Variants in SPAG1 observed in about 807,000 individuals in gnomAD.
SPAG1 encodes the protein sperm-associated antigen 1.
In SPAG1, 69 loss-of-function variants were observed where a neutral mutation model predicts 100.5. That is an observed-to-expected ratio of 0.69 (90% confidence interval 0.57 to 0.84). The LOEUF (loss-of-function observed/expected upper bound fraction) is 0.84, where lower values mean the gene tolerates loss of function less well. Ranked by LOEUF, SPAG1 falls within the 40% of genes least tolerant of loss-of-function variation. The pLI is 0.00. For missense variants in SPAG1, 955 were observed against 1,133.1 expected (o/e 0.84, Z 2.26); for synonymous variants, 336 against 411.6 (o/e 0.82, Z 2.22).
At chr8:100,174,548 C>T (rs2453654) in intron 3 of SPAG1, among the ~76,000 whole-genome samples, 59,862 of 151,974 alleles carry the variant, frequency 0.39, 12,084 homozygotes, top group East Asian at 0.61. Context: ...TTTCATTTCC[C>T]TAAAAATGTT....
At chr8:100,167,914 T>G (rs1815637852) in intron 3 of SPAG1, among the ~76,000 whole-genome samples, 1 of 152,264 alleles carries the variant, frequency 6.6e-6, no homozygotes, top group South Asian at 2.1e-4. Flanking sequence ...TCATACAGTA[T>G]GTTGTCATTC....
intron 13 of SPAG1, 48 bp from the exon 14 acceptor site, chr8:100,225,125 T>C (rs758088874): frequency 3.3e-6 from 5 of 1,520,304 alleles, no homozygotes; most frequent in East Asian, 2.3e-5. Context: ...TTCAGTAATA[T>C]AAAAAGCAAA....
intron 10 of SPAG1, among the ~76,000 whole-genome samples, chr8:100,212,867 C>T (rs766127024): frequency 2.7e-5 from 4 of 146,576 alleles, no homozygotes; most frequent in African/African-American, 1.0e-4. Context: ...GGCCGAAACC[C>T]GGGAGCCGAG....
chr8:100,211,220 T>C (rs1273885440), intron 10 of SPAG1, among the ~76,000 whole-genome samples: 1 of 152,184 alleles, frequency 6.6e-6, no homozygotes, highest in African/African-American at 2.4e-5. Context: ...AACAGCTCCA[T>C]TGCATTGTCC....
At chr8:100,223,605 A>T (rs539768473) in intron 13 of SPAG1, among the ~76,000 whole-genome samples, 80 of 149,484 alleles carry the variant, frequency 5.4e-4, no homozygotes, top group Non-Finnish European at 8.1e-4. Context: ...AAATTTAAAC[A>T]TCTGTATTTA....
At chr8:100,204,656 G>A (rs1201318232) in intron 10 of SPAG1, among the ~76,000 whole-genome samples, 5 of 152,214 alleles carry the variant, frequency 3.3e-5, no homozygotes, top group Non-Finnish European at 7.3e-5. Flanking sequence ...GGGAGATTGG[G>A]ATGGTGAACT....
In SPAG1 at chr8:100,239,879, A is replaced by G. The variant is rs943770165; in HGVS notation, c.2280+475A>G. Among the ~76,000 whole-genome samples the G allele has an allele frequency of 2.0e-5, 3 of 152,216 alleles. No homozygotes were observed. The highest frequency in any genetic ancestry group is 1.3e-4 in the Admixed American group (2 of 15,282). ...CAGGATCAAACTGCTTTTGTGATTC[A>G]GATAACTAAAATGTTTTTCTCTGCC... On this transcript the variant is annotated intron_variant, in intron 17 of 18. Transcript: ENST00000388798. The surrounding 1 kb of genome is among the most constrained non-coding windows in gnomAD (Gnocchi z 5.0).
At chr8:100,236,777 T>C (rs909628893) in intron 16 of SPAG1, among the ~76,000 whole-genome samples, 3 of 152,150 alleles carry the variant, frequency 2.0e-5, no homozygotes, top group African/African-American at 7.2e-5. Context: ...GTTAGGAGTA[T>C]AGAGGTGAAT....
chr8:100,210,119 T>A (rs1817660888), intron 10 of SPAG1, among the ~76,000 whole-genome samples: 1 of 152,130 alleles, frequency 6.6e-6, no homozygotes, highest in Non-Finnish European at 1.5e-5. Context: ...TTGAATATGA[T>A]GTTGGCTCTG....
In SPAG1 at chr8:100,238,809, T is replaced by C. The variant is rs566734161; in HGVS notation, c.2116-431T>C. 3.9e-5 allele frequency among the ~76,000 whole-genome samples: 6 copies of C among 152,348 alleles called. No individual in the cohort carries two copies. In the South Asian group the frequency reaches 8.3e-4, roughly 21 times the overall value. On this transcript the variant is annotated intron_variant, in intron 16 of 18. Transcript: ENST00000388798. ...TTTCTTGGTACAGCCTTGTGAAAAT[T>C]TGAATAGAGCTTTTGTTCCCCTTAT... is the stretch of plus-strand genomic sequence containing the variant.
intron 16 of SPAG1, among the ~76,000 whole-genome samples, chr8:100,236,329 G>A (rs1358352263): frequency 6.6e-6 from 1 of 152,174 alleles, no homozygotes; most frequent in Admixed American, 6.5e-5. Context: ...GTTTAAGAGA[G>A]ACAGGGTCTC....
intron 3 of SPAG1, among the ~76,000 whole-genome samples, chr8:100,176,293 GTTGTCATATAAT>G (rs1816111282): frequency 6.6e-6 from 1 of 151,012 alleles, no homozygotes; most frequent in Non-Finnish European, 1.5e-5. Context: ...TTTGCTTTAA[GTTGTCATATAAT>G]GACTTTGCTT....
Position 100,165,862 on chromosome 8 carries a change from G to A in SPAG1, c.189G>A (p.Lys63=). The change falls in exon 3 of 19, where the codon AAG becomes AAA. Residue 63 remains lysine (K), a synonymous_variant. Coordinates refer to ENST00000388798, the MANE Select transcript of SPAG1 (RefSeq NM_003114.5). ...CTGAACTTACAGAATTTTGTGAAAA[G>A]CATCTTCAAGCCTTGGCCCCTGAAA... ...YYPELTEFCE[K]HLQALAPESR... 2 of 1,613,990 alleles carry A rather than the reference G, an allele frequency of 1.2e-6. No homozygotes were observed. Among genetic ancestry groups the A allele is most frequent in the Admixed American group, 1.7e-5 (1 of 59,966 alleles).
At chr8:100,221,615 C>T (rs991350102) in intron 13 of SPAG1, among the ~76,000 whole-genome samples, 6 of 152,114 alleles carry the variant, frequency 3.9e-5, no homozygotes, top group Admixed American at 2.0e-4. Context: ...ACATGGTCTC[C>T]GTCTTTAAAC....
At chr8:100,236,943 TC>T (rs1225434828) in intron 16 of SPAG1, among the ~76,000 whole-genome samples, 1 of 152,230 alleles carries the variant, frequency 6.6e-6, no homozygotes, top group Non-Finnish European at 1.5e-5. Flanking sequence ...TTTTATGGTT[TC>T]AGCAAAACTA....
At chr8:100,222,157 C>G (rs1323970077) in intron 13 of SPAG1, among the ~76,000 whole-genome samples, 1 of 152,178 alleles carries the variant, frequency 6.6e-6, no homozygotes, top group Non-Finnish European at 1.5e-5. Context: ...TCTTTGAATT[C>G]CTTCTCATCT....
At chr8:100,227,696 T>G (rs986868808) in intron 14 of SPAG1, among the ~76,000 whole-genome samples, 8 of 152,288 alleles carry the variant, frequency 5.3e-5, no homozygotes, top group East Asian at 3.9e-4. Flanking sequence ...GTTTACTGAT[T>G]GATAGTGAGA....
At chr8:100,236,435 T>C (rs914557652) in intron 16 of SPAG1, among the ~76,000 whole-genome samples, 3 of 152,192 alleles carry the variant, frequency 2.0e-5, no homozygotes, top group African/African-American at 7.2e-5. Context: ...TGTGCCACCA[T>C]GCTTGGCCTA....
At chr8:100,218,208 A>G (rs1818096678) in intron 12 of SPAG1, among the ~76,000 whole-genome samples, 1 of 152,210 alleles carries the variant, frequency 6.6e-6, no homozygotes, top group South Asian at 2.1e-4. Flanking sequence ...CTGCTTCAAA[A>G]GTTCTCTGTG....
Sources: gnomAD v4.1 joint callset for allele counts (sites outside exome capture counted in the v4.1 genomes callset) on GRCh38, gnomAD v4.1.1 for gene constraint, Gnocchi (gnomAD v3.1) non-coding constraint, MANE v1.5 for transcripts, NCBI Gene and HGNC (gene_info 2026-07-23, HGNC 2026-07-21) for gene names.